Variants in NOLC1 observed in about 807,000 individuals in gnomAD.
NOLC1 encodes the protein 140 kDa nucleolar phosphoprotein.
Under a neutral mutation model 73.4 loss-of-function variants are expected in NOLC1, and 37 were observed. The ratio of observed to expected loss-of-function variants is 0.50; its 90% CI spans 0.39 to 0.66. NOLC1 has a LOEUF of 0.66. Among genes scored for constraint, NOLC1 ranks in the 30% least tolerant of loss-of-function variants. NOLC1 has a pLI of 0.00. For synonymous variants in NOLC1, 327 were observed against 302.6 expected, an observed-to-expected ratio of 1.08 and a Z score of -0.84; for missense variants, 921 against 838.9, an observed-to-expected ratio of 1.10 and a Z score of -1.21.
Position 102,162,095 on chromosome 10 carries a change from CCT to C in NOLC1, c.1942-11_1942-10del, listed in dbSNP as rs538342077. 11 of 1,612,686 alleles carry C rather than the reference CCT, an allele frequency of 6.8e-6. No homozygotes were observed. The highest frequency in any genetic ancestry group is 5.0e-5 in the Admixed American group (3 of 59,958). On this transcript the variant is annotated splice_polypyrimidine_tract_variant and intron_variant, in intron 12 of 12. Transcript: ENST00000605788. Reference sequence around the variant, plus strand: ...CATGGTCCTCCTCTGTGTTAATCTCCCTCTCTACTTACCAGCGAGGTGCAGCC... The same window carrying C: ...CATGGTCCTCCTCTGTGTTAATCTCCCTCTACTTACCAGCGAGGTGCAGCC...
Position 102,161,644 on chromosome 10 carries a change from A to G in NOLC1, c.1830A>G (p.Thr610=), listed in dbSNP as rs1039601551. The change falls in exon 11 of 13, where the codon ACA becomes ACG. Residue 610 remains threonine (T), a synonymous_variant. Coordinates refer to ENST00000605788, the MANE Select transcript of NOLC1 (RefSeq NM_004741.5). The part of the protein sequence containing the change: ...AKKIKLQTPN[T]FPKRKKGEKR... ...AGATAAAGCTTCAGACCCCTAACAC[A>G]TTTCCAAAAAGGAAGAAAGTAAGTT... 3.1e-6 allele frequency: 5 copies of G among 1,613,650 alleles called. No individual in the cohort carries two copies. The highest frequency in any genetic ancestry group is 4.2e-6 in the Non-Finnish European group (5 of 1,179,706).
At chr10:102,154,334 C>A (rs560518397) in intron 1 of NOLC1, among the ~76,000 whole-genome samples, 1 of 151,288 alleles carries the variant, frequency 6.6e-6, no homozygotes, top group African/African-American at 2.4e-5. Context: ...TCTACTGCCT[C>A]GGCTTCCCAA....
rs373819430 is a variant in NOLC1, at chr10:102,159,020, C to T, written c.608-173C>T. Among the ~76,000 whole-genome samples, 29 of 135,306 alleles carry T rather than the reference C, an allele frequency of 2.1e-4. No individual in the cohort carries two copies. In the East Asian group the frequency reaches 2.5e-3, roughly 12 times the overall value. 88.8% of individuals were successfully genotyped at this position (135,306 alleles called of 152,430 possible). ...TGAGGCGGGAGAGTTGCCTGAACCA[C>T]TGCACACTAGCCTGTGCAACAGAGC... On this transcript the variant is annotated intron_variant, in intron 5 of 12. Coordinates refer to ENST00000605788, the MANE Select transcript of NOLC1 (RefSeq NM_004741.5).
At chr10:102,159,395 G>C (rs1275564568) in intron 6 of NOLC1, 38 bp from the exon 7 acceptor site, 5 of 1,613,858 alleles carry the variant, frequency 3.1e-6, no homozygotes, top group Non-Finnish European at 4.2e-6. Flanking sequence ...GGTTGGGTCA[G>C]CATTTTCCTG....
At chr10:102,159,031 C>T (rs2069650491) in intron 5 of NOLC1, among the ~76,000 whole-genome samples, 162 bp from the exon 6 acceptor site, 1 of 137,484 alleles carries the variant, frequency 7.3e-6, no homozygotes. Flanking sequence ...TGCACACTAG[C>T]CTGTGCAACA....
At chr10:102,157,357 G>C (rs762465080) in intron 3 of NOLC1, 29 bp downstream of exon 3, 8 of 1,613,190 alleles carry the variant, frequency 5.0e-6, no homozygotes, top group Non-Finnish European at 6.8e-6. Flanking sequence ...TGGGCTTGGT[G>C]GTGCCAGGAA....
At position 102,163,514 on chromosome 10, in the gene NOLC1, G is replaced by A. The variant is rs1186082416; in HGVS notation, c.*1245G>A. On this transcript the variant is annotated 3_prime_UTR_variant, in exon 13 of 13. Transcript: ENST00000605788. ...GTAACAACACAAACCAGTGACCAGA[G>A]ATAACAGCTTTTAGGCCAAGCTGGC... The A allele has an allele frequency of 6.6e-6, 1 of 152,218 alleles. No homozygotes were observed. Among genetic ancestry groups the A allele is most frequent in the Non-Finnish European group, 1.5e-5 (1 of 68,050 alleles). The allele number at this position is 152,218 out of a possible 1,614,324, so 9.4% of individuals were successfully genotyped here. A position where few individuals can be genotyped will look rare whatever the true frequency, so the allele number is the denominator to read the frequency against.
At position 102,159,622 on chromosome 10, in the gene NOLC1, G is replaced by C; in HGVS notation, c.859+54G>C. ...TGACTGTGGTCAGGGCCCAGCTGCAGTAACCACATGGACCTCTCCATAGAG... is the reference window on the plus strand; with the variant it reads ...TGACTGTGGTCAGGGCCCAGCTGCACTAACCACATGGACCTCTCCATAGAG... On this transcript the variant is annotated intron_variant, in intron 7 of 12. Coordinates refer to ENST00000605788, the MANE Select transcript of NOLC1 (RefSeq NM_004741.5). 1.2e-5 allele frequency: 19 copies of C among 1,565,214 alleles called. 1 individual carries two copies. The South Asian group carries it at 2.1e-4, about 17-fold the overall frequency.
Position 102,162,313 on chromosome 10 carries a change from A to G in NOLC1, c.*44A>G, listed in dbSNP as rs190125769. The G allele has an allele frequency of 6.3e-7, 1 of 1,596,794 alleles. No individual in the cohort carries two copies. Among genetic ancestry groups the G allele is most frequent in the Non-Finnish European group, 8.6e-7 (1 of 1,169,494 alleles). ...GAAGCAAGGGTGATGATCGGAGACT[A>G]CTTACTTTCTCCAGTGGACCTGGGA... On this transcript the variant is annotated 3_prime_UTR_variant, in exon 13 of 13. Coordinates refer to ENST00000605788, the MANE Select transcript of NOLC1 (RefSeq NM_004741.5).
chr10:102,161,016 AGAATGGAAAAG>A lies in NOLC1; in HGVS notation c.1665_1675del (p.Gln555HisfsTer3). The A allele has an allele frequency of 6.2e-7, 1 of 1,614,084 alleles. No homozygotes were observed. The highest frequency in any genetic ancestry group is 8.5e-7 in the Non-Finnish European group (1 of 1,179,998). On this transcript the variant is annotated frameshift_variant, in exon 10 of 13. Transcript: ENST00000605788. LOFTEE classifies it high-confidence loss of function. ...AATGGCACCTCTGCACTGACTGCCC[AGAATGGAAAAG>A]CAGCTAAGAACAGTGAGGAGGAGGA...
intron 4 of NOLC1, 100 bp downstream of exon 4, chr10:102,157,655 C>G: frequency 3.0e-6 from 4 of 1,330,762 alleles, no homozygotes; most frequent in Non-Finnish European, 4.1e-6. Flanking sequence ...GGCGGCAATA[C>G]AATAGGTGAT....
chr10:102,159,248 C>T lies in NOLC1; in HGVS notation c.663C>T (p.Ser221=), dbSNP rs562996418. ...NGKAASSSSS[S]SSSSSSDDSE... is the part of the protein sequence containing the mutation. Reference sequence around the variant, plus strand: ...AAGCAGCCAGTAGCAGCAGTAGCAGCAGCAGCAGCAGTAGCAGTGATGACT... The same window carrying T: ...AAGCAGCCAGTAGCAGCAGTAGCAGTAGCAGCAGCAGTAGCAGTGATGACT... Residue 221 remains serine, a synonymous_variant, in exon 6 of 13, where the codon AGC becomes AGT. Coordinates refer to ENST00000605788, the MANE Select transcript of NOLC1 (RefSeq NM_004741.5). 4 of 1,613,382 alleles carry T rather than the reference C, an allele frequency of 2.5e-6. No individual in the cohort carries two copies. In the East Asian group the frequency reaches 8.9e-5, roughly 36 times the overall value.
At position 102,162,386 on chromosome 10, in the gene NOLC1, G is replaced by A; in HGVS notation, c.*117G>A. 1 of 1,093,898 alleles carries A rather than the reference G, an allele frequency of 9.1e-7. No homozygotes were observed. The highest frequency in any genetic ancestry group is 1.3e-6 in the Non-Finnish European group (1 of 753,392). The allele number at this position is 1,093,898 out of a possible 1,614,324, so 67.8% of individuals were successfully genotyped here. A position where few individuals can be genotyped will look rare whatever the true frequency, so the allele number is the denominator to read the frequency against. ...GTCTTGATGAGGACAGAAGTTTAGA[G>A]TAGGTCCTAAGACTTTACAGTGTAA... On this transcript the variant is annotated 3_prime_UTR_variant, in exon 13 of 13. Coordinates refer to ENST00000605788, the MANE Select transcript of NOLC1 (RefSeq NM_004741.5).
chr10:102,162,079 C>T lies in NOLC1; in HGVS notation c.1942-32C>T, dbSNP rs372806070. The T allele has an allele frequency of 2.9e-4, 471 of 1,611,110 alleles. 3 individuals carry two copies. In the African/African-American group the frequency reaches 5.6e-3, roughly 19 times the overall value. On this transcript the variant is annotated intron_variant, in intron 12 of 12. Coordinates refer to ENST00000605788, the MANE Select transcript of NOLC1 (RefSeq NM_004741.5). ...AGTGACAGGGCTCCAGCATGGTCCT[C>T]CTCTGTGTTAATCTCCCTCTCTACT...
chr10:102,162,836 T>C lies in NOLC1; in HGVS notation c.*567T>C, dbSNP rs1009190179. 6.6e-5 allele frequency: 10 copies of C among 152,252 alleles called. No individual in the cohort carries two copies. Among genetic ancestry groups the C allele is most frequent in the African/African-American group, 2.4e-4 (10 of 41,464 alleles). 9.4% of individuals were successfully genotyped at this position (152,252 alleles called of 1,614,324 possible). ...GCACTATGTATTTCATCCTCATTTA[T>C]TGGGTCTGGGACTGAAGTTTTTAGC... On this transcript the variant is annotated 3_prime_UTR_variant, in exon 13 of 13. Coordinates refer to ENST00000605788, the MANE Select transcript of NOLC1 (RefSeq NM_004741.5).
Position 102,161,046 on chromosome 10 carries a change from A to G in NOLC1, c.1694A>G (p.Glu565Gly), listed in dbSNP as rs910945221. 1.2e-5 allele frequency: 19 copies of G among 1,611,574 alleles called. No homozygotes were observed. Among genetic ancestry groups the G allele is most frequent in the Non-Finnish European group, 1.6e-5 (19 of 1,179,470 alleles). Residue 565 changes from glutamate to glycine, a missense_variant, in exon 10 of 13, where the codon GAG becomes GGG. By Grantham distance (98) the Glu-to-Gly change is moderately conservative. Coordinates refer to ENST00000605788, the MANE Select transcript of NOLC1 (RefSeq NM_004741.5). ...GGAAAAGCAGCTAAGAACAGTGAGGAGGAGGAAGAAGAAAAGAAAAAGGCG... is the reference window on the plus strand; with the variant it reads ...GGAAAAGCAGCTAAGAACAGTGAGGGGGAGGAAGAAGAAAAGAAAAAGGCG... ...QNGKAAKNSEEEEEEKKKAAV... is the reference protein window; with the variant it reads ...QNGKAAKNSEGEEEEKKKAAV...
intron 1 of NOLC1, among the ~76,000 whole-genome samples, chr10:102,155,350 A>T (rs2069578092): frequency 6.6e-6 from 1 of 150,826 alleles, no homozygotes; most frequent in South Asian, 2.1e-4. Context: ...TTGCAATCCA[A>T]CCTGGGCGAC....
intron 5 of NOLC1, among the ~76,000 whole-genome samples, chr10:102,158,742 TTGA>T (rs1288122325): frequency 6.6e-6 from 1 of 152,148 alleles, no homozygotes; most frequent in East Asian, 1.9e-4. Context: ...AAGGTATCCT[TTGA>T]TGTGGTAAAC....
In NOLC1 at chr10:102,162,228, A is replaced by T. The variant is rs199845240; in HGVS notation, c.2059A>T (p.Ile687Phe). ...KKRGSYRGGS[I>F]SVQVNSIKFD... ...GCGGGGCAGCTACCGGGGAGGCTCA[A>T]TCTCTGTCCAGGTCAATTCTATTAA... Residue 687 changes from isoleucine (I) to phenylalanine (F), a missense_variant, in exon 13 of 13, where the codon ATC (isoleucine) becomes TTC (phenylalanine). By Grantham distance (21) the Ile-to-Phe change is conservative. Coordinates refer to ENST00000605788, the MANE Select transcript of NOLC1 (RefSeq NM_004741.5). 1.2e-6 allele frequency: 2 copies of T among 1,614,132 alleles called. No individual in the cohort carries two copies. The highest frequency in any genetic ancestry group is 1.3e-5 in the African/African-American group (1 of 75,044).
Sources: gnomAD v4.1 joint callset for allele counts (sites outside exome capture counted in the v4.1 genomes callset) on GRCh38, gnomAD v4.1.1 for gene constraint, MANE v1.5 for transcripts, NCBI Gene and HGNC (gene_info 2026-07-23, HGNC 2026-07-21) for gene names.